Variants in RBFOX1 observed in about 807,000 individuals in gnomAD.
RBFOX1 encodes the protein RNA binding protein fox-1 homolog 1.
A neutral mutation model predicts 57.7 loss-of-function variants in RBFOX1; 8 were observed. That is an observed-to-expected ratio of 0.14 (90% CI 0.08 to 0.25). RBFOX1 has a LOEUF of 0.25. RBFOX1 is among the 10% of genes least tolerant of loss of function. The pLI is 1.00. For missense variants in RBFOX1, 611 were observed against 548.5 expected (o/e 1.11, Z -1.14); for synonymous variants, 326 against 222.4 (o/e 1.47, Z -4.15).
chr16:6,774,263 G>A (rs1374390934), intron 3 of RBFOX1, among the ~76,000 whole-genome samples: 3 of 152,116 alleles, frequency 2.0e-5, no homozygotes, highest in Non-Finnish European at 1.5e-5. Context: ...AGGAATTCAT[G>A]GAGCATGTCT....
rs182263487 is a variant in RBFOX1 at position 7,501,400 on chromosome 16, C to A, written c.28-16747C>A. On this transcript the variant is annotated intron_variant, in intron 4 of 15. Transcript: ENST00000550418. The stretch of plus-strand genomic sequence containing the variant: ...TTTATCTTGGCATGTATCATTGTTG[C>A]ATTTACTCTTTGATTTAATCAAATC... Among the ~76,000 whole-genome samples, 9 of 152,204 alleles carry A rather than the reference C, an allele frequency of 5.9e-5. No homozygotes were observed. The East Asian group carries it at 1.7e-3, about 29-fold the overall frequency.
rs117819213 is a variant in RBFOX1 at position 7,701,497 on chromosome 16, G to T, written c.996-7559G>T. ...AGAATCTAATGCCTGATGATCTGAAGTGGAACAGTTTTTTTTCCTGAAACT... is the reference window on the plus strand; with the variant it reads ...AGAATCTAATGCCTGATGATCTGAATTGGAACAGTTTTTTTTCCTGAAACT... On this transcript the variant is annotated intron_variant, in intron 14 of 15. Coordinates refer to ENST00000550418, the MANE Select transcript of RBFOX1 (RefSeq NM_018723.4). Among the ~76,000 whole-genome samples the T allele has an allele frequency of 1.5e-3, 223 of 152,292 alleles. 1 individual carries two copies. The East Asian group carries it at 0.032, about 22-fold the overall frequency.
intron 3 of RBFOX1, among the ~76,000 whole-genome samples, chr16:5,763,142 T>C (rs938406966): frequency 4.8e-4 from 73 of 152,272 alleles, no homozygotes; most frequent in African/African-American, 1.7e-3. Context: ...AACACAAGAA[T>C]GTGGGGCATC....
At chr16:6,612,622 C>G (rs1019059410) in intron 2 of RBFOX1, among the ~76,000 whole-genome samples, 1 of 151,988 alleles carries the variant, frequency 6.6e-6, no homozygotes, top group Non-Finnish European at 1.5e-5. Flanking sequence ...AAGGCCGAGG[C>G]AGGTGGATGA....
intron 2 of RBFOX1, among the ~76,000 whole-genome samples, chr16:6,585,671 A>G (rs2153980874): frequency 6.6e-6 from 1 of 152,328 alleles, no homozygotes; most frequent in East Asian, 1.9e-4. Context: ...GCAGTAAGCA[A>G]TGGTGAATGC....
At chr16:6,863,571 A>T (rs1055052127) in intron 3 of RBFOX1, among the ~76,000 whole-genome samples, 1 of 151,738 alleles carries the variant, frequency 6.6e-6, no homozygotes, top group Non-Finnish European at 1.5e-5. Flanking sequence ...AATAACATTA[A>T]AGATGTGATC....
chr16:6,239,485 CTTTTTTTTTTTTT>C lies in RBFOX1; in HGVS notation c.-126-77493_-126-77481del, dbSNP rs59244306. 4.6e-4 allele frequency among the ~76,000 whole-genome samples: 31 copies of C among 67,802 alleles called. 2 individuals are homozygous for C. In the South Asian group the frequency reaches 5.1e-3, roughly 11 times the overall value. The allele number at this position is 67,802 out of a possible 152,430, so 44.5% of individuals were successfully genotyped here. On this transcript the variant is annotated intron_variant, in intron 1 of 15. Coordinates refer to ENST00000550418, the MANE Select transcript of RBFOX1 (RefSeq NM_018723.4). The stretch of plus-strand genomic sequence containing the variant: ...ATAACTTATTCTTCTCCAACTGACT[CTTTTTTTTTTTTT>C]TTTTTTTTTTTTTTTTCTGAGATAG...
intron 1 of RBFOX1, among the ~76,000 whole-genome samples, chr16:5,371,320 G>C (rs2065851864): frequency 6.6e-6 from 1 of 152,168 alleles, no homozygotes; most frequent in Non-Finnish European, 1.5e-5. Context: ...AATCTGACTA[G>C]TGTTCTGATA....
intron 3 of RBFOX1, among the ~76,000 whole-genome samples, chr16:6,868,883 C>T (rs1010121139): frequency 7.9e-5 from 12 of 152,278 alleles, no homozygotes; most frequent in African/African-American, 2.9e-4. Context: ...ATGTGACTTT[C>T]TCATAGGTGG....
chr16:7,221,974 T>C (rs1212151964), intron 4 of RBFOX1, among the ~76,000 whole-genome samples: 1 of 152,196 alleles, frequency 6.6e-6, no homozygotes, highest in Admixed American at 6.5e-5. Flanking sequence ...GCTTCTGTGA[T>C]AGAACAGGAG....
At chr16:7,005,008 A>G (rs2093171670) in intron 3 of RBFOX1, among the ~76,000 whole-genome samples, 1 of 152,046 alleles carries the variant, frequency 6.6e-6, no homozygotes, top group Admixed American at 6.6e-5. Context: ...GCAGAGCATG[A>G]TGGTGCGTGC....
intron 1 of RBFOX1, among the ~76,000 whole-genome samples, chr16:6,230,069 G>A (rs1240877902): frequency 6.6e-6 from 1 of 151,862 alleles, no homozygotes; most frequent in East Asian, 1.9e-4. Flanking sequence ...AAATAATAAT[G>A]GAAAATTGTA....
At chr16:7,067,573 T>C (rs12921598) in intron 4 of RBFOX1, among the ~76,000 whole-genome samples, 83,636 of 151,274 alleles carry the variant, frequency 0.55, 26,764 homozygotes, top group South Asian at 0.74. Context: ...TTAGGGTACA[T>C]GTGCACAATG....
intron 2 of RBFOX1, among the ~76,000 whole-genome samples, chr16:6,461,777 A>G (rs556390316): frequency 3.2e-4 from 49 of 152,308 alleles, no homozygotes; most frequent in Admixed American, 2.1e-3. Flanking sequence ...TGTTCTGTTT[A>G]AGCTATCTTT....
At chr16:6,223,968 C>G (rs7197346) in intron 1 of RBFOX1, among the ~76,000 whole-genome samples, 1 of 152,008 alleles carries the variant, frequency 6.6e-6, no homozygotes, top group African/African-American at 2.4e-5. Flanking sequence ...ACTCCTTTCC[C>G]CATTGCTTGT....
intron 4 of RBFOX1, among the ~76,000 whole-genome samples, chr16:7,233,197 A>C (rs1473604972): frequency 5.4e-5 from 8 of 146,882 alleles, no homozygotes; most frequent in African/African-American, 2.0e-4. Context: ...GCTCCTGCCA[A>C]CCTTGCTAAA....
intron 4 of RBFOX1, among the ~76,000 whole-genome samples, chr16:5,902,813 A>T (rs1201088773): frequency 6.6e-6 from 1 of 151,942 alleles, no homozygotes; most frequent in Non-Finnish European, 1.5e-5. Context: ...TGTAGTTGCC[A>T]CTCTTTAAAC....
chr16:5,946,776 C>G lies in RBFOX1; in HGVS notation c.351+79441C>G, dbSNP rs2059408309. ...CTCAACCTGTGGAATCTGATTCTAA[C>G]TCCAGGTGGATCATGTCAGAATTGA... On this transcript the variant is annotated intron_variant, in intron 4 of 19. Coordinates refer to the RBFOX1 transcript ENST00000641259. The surrounding 1 kb of genome is among the most constrained non-coding windows in gnomAD (Gnocchi z 4.6). 6.6e-6 allele frequency among the ~76,000 whole-genome samples: 1 copy of G among 152,186 alleles called. No homozygotes were observed. Among genetic ancestry groups the G allele is most frequent in the Non-Finnish European group, 1.5e-5 (1 of 68,028 alleles).
At chr16:7,457,796 C>G (rs1009024364) in intron 4 of RBFOX1, among the ~76,000 whole-genome samples, 2 of 151,744 alleles carry the variant, frequency 1.3e-5, no homozygotes, top group African/African-American at 4.9e-5. Flanking sequence ...TCTAGCCTCA[C>G]ACCAAGCAGC....
Sources: allele counts gnomAD v4.1 joint callset (sites outside exome capture counted in the v4.1 genomes callset), GRCh38; gene constraint gnomAD v4.1.1; non-coding constraint Gnocchi (gnomAD v3.1); transcripts MANE v1.5; gene names NCBI Gene and HGNC (gene_info 2026-07-23, HGNC 2026-07-21).